The following IL1RAPL2 variants were observed in gnomAD, a reference collection of about 807,000 sequenced individuals.
IL1RAPL2 encodes the protein X-linked interleukin-1 receptor accessory protein-like 2.
A neutral mutation model predicts 44.1 loss-of-function variants in IL1RAPL2; 3 were observed. The ratio of observed to expected loss-of-function variants is 0.07; its 90% CI spans 0.03 to 0.18. The LOEUF (loss-of-function observed/expected upper bound fraction) is 0.18. IL1RAPL2 is among the 10% of genes least tolerant of loss of function. IL1RAPL2 has a pLI of 1.00. For missense variants in IL1RAPL2, 391 were observed against 496.4 expected (o/e 0.79, Z 2.02); for synonymous variants, 181 against 178.8 (o/e 1.01, Z -0.10).
At chrX:104,930,744 A>T (rs910237822) in intron 2 of IL1RAPL2, among the ~76,000 whole-genome samples, 1 of 111,991 alleles carries the variant, frequency 8.9e-6, no homozygotes, top group African/African-American at 3.2e-5. Flanking sequence ...TGAGCCAGTC[A>T]CTTATGATGA....
chrX:104,757,602 A>G (rs1459201808), intron 2 of IL1RAPL2, among the ~76,000 whole-genome samples: 1 of 111,728 alleles, frequency 9.0e-6, no homozygotes, highest in African/African-American at 3.3e-5. Context: ...AGTAGTATGC[A>G]TATAATGTTC....
intron 1 of IL1RAPL2, among the ~76,000 whole-genome samples, chrX:104,582,281 TA>T (rs1324018611): frequency 9.0e-6 from 1 of 110,963 alleles, no homozygotes; most frequent in Non-Finnish European, 1.9e-5. Flanking sequence ...ATACTGTGAG[TA>T]AAAAAAATGC....
chrX:104,818,894 TATTTCTATGAGA>T (rs1038832551), intron 2 of IL1RAPL2, among the ~76,000 whole-genome samples: 1 of 112,264 alleles, frequency 8.9e-6, no homozygotes, highest in Non-Finnish European at 1.9e-5. Context: ...ATACTTCCTA[TATTTCTATGAGA>T]TAAAGTACAT....
chrX:104,887,351 G>C (rs776359740), intron 2 of IL1RAPL2, among the ~76,000 whole-genome samples: 1 of 112,299 alleles, frequency 8.9e-6, no homozygotes, highest in African/African-American at 3.2e-5. Flanking sequence ...AGAGAGAGCA[G>C]AGATAGCTCT....
intron 6 of IL1RAPL2, among the ~76,000 whole-genome samples, chrX:105,555,570 A>G (rs73636236): frequency 0.061 from 6,750 of 111,542 alleles, 525 homozygotes; most frequent in African/African-American, 0.21. Context: ...GCTTCCCCCT[A>G]TGTCTTAGGA....
chrX:105,739,492 TC>T (rs1446673620), intron 7 of IL1RAPL2, among the ~76,000 whole-genome samples: 2 of 52,673 alleles, frequency 3.8e-5, no homozygotes, highest in East Asian at 7.2e-4. Flanking sequence ...ATGCTATCCC[TC>T]CCCCCTCCCC....
At chrX:105,323,297 T>C (rs2034910233) in intron 5 of IL1RAPL2, among the ~76,000 whole-genome samples, 1 of 112,189 alleles carries the variant, frequency 8.9e-6, no homozygotes, top group Admixed American at 9.5e-5. Flanking sequence ...AGTGTTCGTT[T>C]CTTTTTAAAT....
intron 5 of IL1RAPL2, among the ~76,000 whole-genome samples, chrX:105,453,116 ATAATT>A (rs1221078989): frequency 9.0e-6 from 1 of 111,403 alleles, no homozygotes; most frequent in African/African-American, 3.3e-5. Context: ...AAACTGGAAA[ATAATT>A]TAAGTGTGTG....
At chrX:105,428,121 CACT>C (rs2035823291) in intron 5 of IL1RAPL2, among the ~76,000 whole-genome samples, 2 of 110,372 alleles carry the variant, frequency 1.8e-5, no homozygotes, top group Non-Finnish European at 3.8e-5. Context: ...ATGAAGAAAA[CACT>C]AATATCTAAA....
chrX:105,729,609 T>G (rs7891511), intron 7 of IL1RAPL2, among the ~76,000 whole-genome samples: 28,127 of 109,546 alleles, frequency 0.26, 4,911 homozygotes, highest in African/African-American at 0.63. Context: ...TTTCTTAATC[T>G]GTATATGTTT....
At chrX:104,788,638 A>T (rs1378272065) in intron 2 of IL1RAPL2, among the ~76,000 whole-genome samples, 1 of 111,523 alleles carries the variant, frequency 9.0e-6, no homozygotes, top group Non-Finnish European at 1.9e-5. Context: ...GAAGTTTCTG[A>T]TATATCGAAT....
chrX:105,175,231 A>C (rs1322507923), intron 2 of IL1RAPL2, among the ~76,000 whole-genome samples: 1 of 111,461 alleles, frequency 9.0e-6, no homozygotes, highest in Non-Finnish European at 1.9e-5. Context: ...GTAAGGTGTA[A>C]ATTTCTCCCT....
chrX:104,981,090 T>A (rs2030430867), intron 2 of IL1RAPL2, among the ~76,000 whole-genome samples: 1 of 105,628 alleles, frequency 9.5e-6, no homozygotes, highest in African/African-American at 3.4e-5. Flanking sequence ...TGTGTGTGTG[T>A]TTGTGTGTGT....
At chrX:105,749,227 A>C (rs1048290572) in intron 9 of IL1RAPL2, 124 bp downstream of exon 9, 1 of 586,436 alleles carries the variant, frequency 1.7e-6, no homozygotes, top group Non-Finnish European at 2.6e-6. Context: ...ATGGCAAGTT[A>C]CTTACCTTTA....
At chrX:105,064,749 G>A (rs1216902293) in intron 2 of IL1RAPL2, among the ~76,000 whole-genome samples, 1 of 111,773 alleles carries the variant, frequency 8.9e-6, no homozygotes, top group Non-Finnish European at 1.9e-5. Context: ...CTTCATCCTT[G>A]TCTTCATGTT....
chrX:105,110,665 C>T (rs1029008190), intron 2 of IL1RAPL2, among the ~76,000 whole-genome samples: 11 of 111,888 alleles, frequency 9.8e-5, no homozygotes, highest in Non-Finnish European at 1.9e-4. Context: ...TGACAGCAGG[C>T]ACAGTGGCTC....
At chrX:105,659,610 T>C (rs897322046) in intron 6 of IL1RAPL2, among the ~76,000 whole-genome samples, 4 of 108,056 alleles carry the variant, frequency 3.7e-5, no homozygotes, top group African/African-American at 1.4e-4. Context: ...TGAGCCGAGA[T>C]TGCACCACTG....
At chrX:104,814,754 G>A (rs1921091617) in intron 2 of IL1RAPL2, among the ~76,000 whole-genome samples, 1 of 112,148 alleles carries the variant, frequency 8.9e-6, no homozygotes, top group African/African-American at 3.2e-5. Context: ...TCCTTTGTGT[G>A]GCAGTCTGCA....
At position 105,670,146 on chromosome X, in the gene IL1RAPL2, T is replaced by TATATATA. The variant is rs1301114173; in HGVS notation, c.773-47219_773-47218insATATAAT. The stretch of plus-strand genomic sequence containing the variant: ...ATATATATATATATATATATATATA[T>TATATATA]ATCTCCACCAGACCACACAGTCTTG... On this transcript the variant is annotated intron_variant, in intron 6 of 10. Coordinates refer to ENST00000372582, the MANE Select transcript of IL1RAPL2 (RefSeq NM_017416.2). 8.1e-3 allele frequency among the ~76,000 whole-genome samples: 373 copies of TATATATA among 46,322 alleles called. 54 individuals are homozygous for TATATATA. Among genetic ancestry groups the TATATATA allele is most frequent in the Non-Finnish European group, 0.014 (305 of 22,282 alleles). The allele number at this position is 46,322 out of a possible 115,157, so 40.2% of individuals were successfully genotyped here.
Sources: allele counts gnomAD v4.1 joint callset (sites outside exome capture counted in the v4.1 genomes callset), GRCh38; gene constraint gnomAD v4.1.1; transcripts MANE v1.5; gene names NCBI Gene and HGNC (gene_info 2026-07-23, HGNC 2026-07-21).